The following SERPINC1 variants were observed in gnomAD, a reference collection of about 807,000 sequenced individuals.
SERPINC1 encodes serpin family C member 1.
Under a neutral mutation model 43.4 loss-of-function variants are expected in SERPINC1, and 12 were observed. That is an observed-to-expected ratio of 0.28 (90% CI 0.18 to 0.45). SERPINC1 has a LOEUF of 0.45. Among genes scored for constraint, SERPINC1 ranks in the 20% least tolerant of loss-of-function variants. The pLI, the probability that SERPINC1 is intolerant of heterozygous loss-of-function variation, is 1.00. For missense variants in SERPINC1, 423 were observed against 578.8 expected (o/e 0.73, Z 2.76); for synonymous variants, 210 against 218.9 (o/e 0.96, Z 0.36).
intron 1 of SERPINC1, 77 bp from the exon 2 acceptor site, chr1:173,914,996 A>G: frequency 6.4e-7 from 1 of 1,563,604 alleles, no homozygotes; most frequent in Non-Finnish European, 8.6e-7. Context: ...TTGCCCCAGT[A>G]AAGCAGAGGA....
intron 1 of SERPINC1, chr1:173,915,332 G>T: frequency 3.3e-6 from 1 of 300,026 alleles, no homozygotes; most frequent in Non-Finnish European, 6.0e-6. Flanking sequence ...GATAGATGCA[G>T]CAGAGAGATT....
chr1:173,912,850 C>G (rs992970108), intron 2 of SERPINC1, among the ~76,000 whole-genome samples: 1 of 152,102 alleles, frequency 6.6e-6, no homozygotes, highest in African/African-American at 2.4e-5. Flanking sequence ...TTCTGTTCTT[C>G]TTGTAGGAAG....
chr1:173,907,433 G>A lies in SERPINC1; in HGVS notation c.1218+17C>T, dbSNP rs1572086927. On this transcript the variant is annotated intron_variant, in intron 6 of 6. Transcript: ENST00000367698. ...TCTCCTTTCTGTACCCTAAGAGAGT[G>A]GGGAAGGTGTACTCACCTCAAGAAA... The A allele has an allele frequency of 1.3e-6, 2 of 1,584,848 alleles. No homozygotes were observed. The highest frequency in any genetic ancestry group is 1.7e-5 in the Admixed American group (1 of 59,940).
At position 173,909,585 on chromosome 1, in the gene SERPINC1, C is replaced by A. The variant is rs775413132; in HGVS notation, c.1120G>T (p.Asp374Tyr). 6.2e-7 allele frequency: 1 copy of A among 1,613,970 alleles called. No homozygotes were observed. Among genetic ancestry groups the A allele is most frequent in the Non-Finnish European group, 8.5e-7 (1 of 1,180,032 alleles). The change falls in exon 5 of 7, where the codon GAT (aspartate) becomes TAT (tyrosine). Residue 374 changes from aspartate (D) to tyrosine (Y), a missense_variant. By Grantham distance (160) the Asp-to-Tyr change is radical. Coordinates refer to ENST00000367698, the MANE Select transcript of SERPINC1 (RefSeq NM_000488.4). The part of the protein sequence containing the change: ...KEQLQDMGLV[D>Y]LFSPEKSKLP... ...TTGGACTTTTCAGGGCTGAACAGATCGACAAGGCCCATGTCTTGCAGCTGC... is the reference window on the plus strand; with the variant it reads ...TTGGACTTTTCAGGGCTGAACAGATAGACAAGGCCCATGTCTTGCAGCTGC...
At position 173,909,842 on chromosome 1, in the gene SERPINC1, C is replaced by T. The variant is rs1657692801; in HGVS notation, c.863G>A (p.Gly288Asp). The stretch of plus-strand genomic sequence containing the variant: ...AGCCACGCGCCGATAACGGAACTTG[C>T]CTTCCTGGTACATCATAGATGCTGA... The part of the protein sequence containing the change: ...SCSASMMYQE[G>D]KFRYRRVAEG... The change falls in exon 5 of 7, where the codon GGC becomes GAC. Residue 288 changes from glycine (G) to aspartate (D), a missense_variant. Transcript: ENST00000367698. 6.2e-7 allele frequency: 1 copy of T among 1,614,036 alleles called. No homozygotes were observed. The highest frequency in any genetic ancestry group is 1.7e-5 in the Admixed American group (1 of 60,022).
chr1:173,906,222 G>A (rs1657503696), intron 6 of SERPINC1, among the ~76,000 whole-genome samples: 1 of 152,184 alleles, frequency 6.6e-6, no homozygotes, highest in South Asian at 2.1e-4. Flanking sequence ...AATCTCCAAA[G>A]ATAAAGCTCC....
intron 2 of SERPINC1, among the ~76,000 whole-genome samples, chr1:173,914,077 CAA>C (rs59197371): frequency 1.4e-5 from 2 of 138,418 alleles, no homozygotes; most frequent in Admixed American, 7.4e-5. Context: ...GATTCCATCT[CAA>C]AAAAAAAAAA....
intron 5 of SERPINC1, among the ~76,000 whole-genome samples, chr1:173,909,334 G>C (rs1657663189): frequency 6.6e-6 from 1 of 152,160 alleles, no homozygotes; most frequent in Non-Finnish European, 1.5e-5. Flanking sequence ...ACCAGTGCTA[G>C]CTGGGCCCAT....
chr1:173,903,944 A>T lies in SERPINC1; in HGVS notation c.1340T>A (p.Val447Asp), dbSNP rs368586812. ...CATGAAGATAATAGTGTTCAGAGGAACTTCTCTTATAAAAACCAGGAAAGG... is the reference window on the plus strand; with the variant it reads ...CATGAAGATAATAGTGTTCAGAGGATCTTCTCTTATAAAAACCAGGAAAGG... ...NRPFLVFIRE[V>D]PLNTIIFMGR... Residue 447 changes from valine to aspartate, a missense_variant, in exon 7 of 7, where the codon GTT becomes GAT. Val to Asp is a radical substitution (Grantham distance 152, BLOSUM62 -3). Coordinates refer to ENST00000367698, the MANE Select transcript of SERPINC1 (RefSeq NM_000488.4). 4.0e-5 allele frequency: 65 copies of T among 1,614,050 alleles called. No individual in the cohort carries two copies. Among genetic ancestry groups the T allele is most frequent in the Non-Finnish European group, 5.3e-5 (62 of 1,180,024 alleles).
intron 5 of SERPINC1, among the ~76,000 whole-genome samples, chr1:173,908,104 G>A (rs1233454827): frequency 1.3e-5 from 2 of 151,706 alleles, no homozygotes; most frequent in South Asian, 2.1e-4. Context: ...AGAGAGAAAC[G>A]GCAAGACTCT....
chr1:173,910,616 C>T, intron 4 of SERPINC1, 138 bp downstream of exon 4: 1 of 705,286 alleles, frequency 1.4e-6, no homozygotes, highest in South Asian at 1.6e-5. Context: ...ATTGACCTGC[C>T]CTGCTGACCT....
In SERPINC1 at chr1:173,909,702, C is replaced by A. The variant is rs1398879157; in HGVS notation, c.1003G>T (p.Val335Leu). 1 of 1,614,046 alleles carries A rather than the reference C, an allele frequency of 6.2e-7. No individual in the cohort carries two copies. The highest frequency in any genetic ancestry group is 1.3e-5 in the African/African-American group (1 of 74,940). Residue 335 changes from valine to leucine, a missense_variant, in exon 5 of 7, where the codon GTG becomes TTG. Val to Leu is a conservative substitution (Grantham distance 32). Coordinates refer to ENST00000367698, the MANE Select transcript of SERPINC1 (RefSeq NM_000488.4). ...AATTCATCCAGCCACTCTTGCAGCACCTCTGGGGTGAGTTCCTTCTCTACC... is the reference window on the plus strand; with the variant it reads ...AATTCATCCAGCCACTCTTGCAGCAACTCTGGGGTGAGTTCCTTCTCTACC... ...AKVEKELTPE[V>L]LQEWLDELEE...
In SERPINC1 at chr1:173,910,908, A is replaced by G. The variant is rs1237310264; in HGVS notation, c.625-17T>C. 6.2e-7 allele frequency: 1 copy of G among 1,614,114 alleles called. No homozygotes were observed. Among genetic ancestry groups the G allele is most frequent in the East Asian group, 2.2e-5 (1 of 44,886 alleles). ...TGCATTTTCCTGAGGAGAACAGAAA[A>G]TAAACCTACTCACCTGTGCTATTCA... On this transcript the variant is annotated splice_polypyrimidine_tract_variant and intron_variant, in intron 3 of 6. Coordinates refer to ENST00000367698, the MANE Select transcript of SERPINC1 (RefSeq NM_000488.4).
intron 4 of SERPINC1, 71 bp downstream of exon 4, chr1:173,910,683 T>G: frequency 2.0e-6 from 3 of 1,531,148 alleles, no homozygotes; most frequent in Non-Finnish European, 2.7e-6. Flanking sequence ...GTCTCGCCAT[T>G]TAAAAAAAAA....
chr1:173,906,692 A>G (rs1657531832), intron 6 of SERPINC1, among the ~76,000 whole-genome samples: 1 of 150,628 alleles, frequency 6.6e-6, no homozygotes, highest in African/African-American at 2.5e-5. Flanking sequence ...TATGTTGCTC[A>G]GGCTGGTTGC....
chr1:173,913,378 G>A (rs1657851577), intron 2 of SERPINC1, among the ~76,000 whole-genome samples: 1 of 152,192 alleles, frequency 6.6e-6, no homozygotes, highest in African/African-American at 2.4e-5. Context: ...GGAAGGGGGT[G>A]GGAACTAAGT....
chr1:173,904,374 A>G (rs1413585609), intron 6 of SERPINC1, among the ~76,000 whole-genome samples: 1 of 152,294 alleles, frequency 6.6e-6, no homozygotes, highest in East Asian at 1.9e-4. Context: ...ATGGTTTTAC[A>G]GCGGATTTTT....
intron 2 of SERPINC1, among the ~76,000 whole-genome samples, chr1:173,913,014 G>A (rs1415836107): frequency 2.0e-5 from 3 of 152,172 alleles, no homozygotes; most frequent in Admixed American, 6.6e-5. Flanking sequence ...CTTTCAAAGA[G>A]TGAAGACTTG....
Position 173,909,553 on chromosome 1 carries a change from T to C in SERPINC1, c.1152A>G (p.Pro384=). 6.2e-7 allele frequency: 1 copy of C among 1,613,732 alleles called. No homozygotes were observed. ...GAGGAAACTCCTTCCTAGACAAACC[T>C]GGGAGTTTGGACTTTTCAGGGCTGA... is the stretch of plus-strand genomic sequence containing the variant. ...DLFSPEKSKL[P]GIVAEGRDDL... Residue 384 remains proline, a splice_region_variant and synonymous_variant, in exon 5 of 7, where the codon CCA becomes CCG. Transcript: ENST00000367698.
Sources: allele counts gnomAD v4.1 joint callset (sites outside exome capture counted in the v4.1 genomes callset), GRCh38; gene constraint gnomAD v4.1.1; transcripts MANE v1.5; gene names NCBI Gene and HGNC (gene_info 2026-07-23, HGNC 2026-07-21).